Variants in WHRN observed in about 807,000 individuals in gnomAD.
WHRN encodes CASK-interacting protein CIP98.
In WHRN, 41 loss-of-function variants were observed where a neutral mutation model predicts 68.3. That is an observed-to-expected ratio of 0.60 (90% confidence interval 0.47 to 0.78). The LOEUF (loss-of-function observed/expected upper bound fraction) is 0.78, where lower values mean the gene tolerates loss of function less well. Ranked by LOEUF, WHRN falls within the 30% of genes least tolerant of loss-of-function variation. WHRN has a pLI of 0.00. For synonymous variants in WHRN, 560 were observed against 561.3 expected (o/e 1.00, Z 0.03); for missense variants, 1,243 against 1,244.7 (o/e 1.00, Z 0.02).
At chr9:114,465,908 T>C (rs1160993659) in intron 3 of WHRN, among the ~76,000 whole-genome samples, 1 of 152,224 alleles carries the variant, frequency 6.6e-6, no homozygotes, top group Non-Finnish European at 1.5e-5. Context: ...GCTGGTTGTC[T>C]GGATTGAATG....
chr9:114,499,728 GTGCGGC>G (rs1489947672), intron 1 of WHRN, among the ~76,000 whole-genome samples: 8 of 152,260 alleles, frequency 5.3e-5, no homozygotes, highest in Non-Finnish European at 1.0e-4. Context: ...TGTACCGCTG[GTGCGGC>G]TGCCGGCAGG....
chr9:114,403,411 C>T (rs985786056), intron 10 of WHRN, 72 bp from the exon 11 acceptor site: 28 of 1,600,474 alleles, frequency 1.7e-5, no homozygotes, highest in African/African-American at 9.4e-5. Flanking sequence ...TGGGCCGGGC[C>T]GTGACACCAC....
At chr9:114,438,207 C>A (rs747140965) in intron 3 of WHRN, among the ~76,000 whole-genome samples, 14 of 152,034 alleles carry the variant, frequency 9.2e-5, no homozygotes, top group Non-Finnish European at 1.6e-4. Context: ...AGCACTCCAG[C>A]CTGGGTGAGT....
intron 3 of WHRN, among the ~76,000 whole-genome samples, chr9:114,426,876 TA>T (rs1468694175): frequency 6.6e-6 from 1 of 152,176 alleles, no homozygotes; most frequent in East Asian, 1.9e-4. Flanking sequence ...TTTAATCTAC[TA>T]AAAGAAACAG....
At chr9:114,463,884 T>G (rs1382977944) in intron 3 of WHRN, among the ~76,000 whole-genome samples, 1 of 152,116 alleles carries the variant, frequency 6.6e-6, no homozygotes, top group Non-Finnish European at 1.5e-5. Flanking sequence ...ATGGGCACAG[T>G]TCTAGAACCA....
Position 114,504,935 on chromosome 9 carries a change from G to A in WHRN, c.-134C>T, listed in dbSNP as rs1844277772. 8.0e-7 allele frequency: 1 copy of A among 1,248,636 alleles called. No homozygotes were observed. Among genetic ancestry groups the A allele is most frequent in the African/African-American group, 1.6e-5 (1 of 63,062 alleles). The allele number at this position is 1,248,636 out of a possible 1,614,324, so 77.3% of individuals were successfully genotyped here. A position where few individuals can be genotyped will look rare whatever the true frequency, so the allele number is the denominator to read the frequency against. On this transcript the variant is annotated 5_prime_UTR_variant, in exon 1 of 12. Transcript: ENST00000362057. ...GCTGGAGCCTGGGTTTGGGGAGCAC[G>A]GGTACAGTGGCTGGATCCTAGGGGG...
intron 7 of WHRN, among the ~76,000 whole-genome samples, chr9:114,417,784 A>G (rs1386685561): frequency 2.6e-5 from 4 of 152,246 alleles, no homozygotes; most frequent in Non-Finnish European, 5.9e-5. Context: ...CTCTGGAGGA[A>G]TGCTGCAGTC....
intron 3 of WHRN, among the ~76,000 whole-genome samples, chr9:114,427,205 C>T (rs1001899383): frequency 2.6e-5 from 4 of 152,222 alleles, no homozygotes; most frequent in African/African-American, 9.6e-5. Context: ...CTGCTGTGAA[C>T]TGTGATTGCA....
At chr9:114,486,312 C>T (rs1487897754) in intron 1 of WHRN, among the ~76,000 whole-genome samples, 1 of 152,162 alleles carries the variant, frequency 6.6e-6, no homozygotes, top group Non-Finnish European at 1.5e-5. Flanking sequence ...AAAAGCTTCC[C>T]AGATTGTGGC....
At position 114,426,259 on chromosome 9, in the gene WHRN, T is replaced by C. The variant is rs1172840949; in HGVS notation, c.1118A>G (p.Lys373Arg). Residue 373 changes from lysine to arginine, a missense_variant, in exon 4 of 12, where the codon AAG becomes AGG. Coordinates refer to ENST00000362057, the MANE Select transcript of WHRN (RefSeq NM_015404.4). ...CCTGATCCGGGAACTGGCGATCCAC[T>C]TGGTCTCGTCCACAGTGGTGCGGGC... ...PHARTTVDET[K>R]WIASSRIRET... The C allele has an allele frequency of 5.0e-6, 8 of 1,612,832 alleles. No homozygotes were observed. The African/African-American group carries it at 5.3e-5, about 11-fold the overall frequency.
chr9:114,458,237 T>C (rs1839970330), intron 3 of WHRN, among the ~76,000 whole-genome samples: 1 of 152,172 alleles, frequency 6.6e-6, no homozygotes, highest in South Asian at 2.1e-4. Context: ...GGGATCCTTC[T>C]TGTTTGTTCT....
chr9:114,485,114 G>A (rs977872640), intron 1 of WHRN, among the ~76,000 whole-genome samples: 3 of 152,192 alleles, frequency 2.0e-5, no homozygotes, highest in African/African-American at 7.2e-5. Context: ...GACACGTAAT[G>A]ATGAGTCACC....
At position 114,505,465 on chromosome 9, in the gene WHRN, G is replaced by C. The variant is rs1261132144; in HGVS notation, c.-664C>G. On this transcript the variant is annotated 5_prime_UTR_variant, in exon 1 of 12. Coordinates refer to ENST00000362057, the MANE Select transcript of WHRN (RefSeq NM_015404.4). ...CTTTGCGAACTGTTGAGCCACCCGG[G>C]CCGAGTCTTCCAGCGAGTTCCGACG... 2 of 152,288 alleles carry C rather than the reference G, an allele frequency of 1.3e-5. No homozygotes were observed. The highest frequency in any genetic ancestry group is 2.4e-5 in the African/African-American group (1 of 41,462). 9.4% of individuals were successfully genotyped at this position (152,288 alleles called of 1,614,324 possible).
intron 3 of WHRN, among the ~76,000 whole-genome samples, chr9:114,427,828 G>A (rs1163052127): frequency 6.6e-6 from 1 of 152,198 alleles, no homozygotes; most frequent in Non-Finnish European, 1.5e-5. Context: ...CTAACAGAGT[G>A]GGGTCTGTGC....
chr9:114,430,363 A>G (rs1256580862), intron 3 of WHRN, among the ~76,000 whole-genome samples: 2 of 152,270 alleles, frequency 1.3e-5, no homozygotes, highest in East Asian at 3.8e-4. Context: ...GGGCATATAC[A>G]TACTAAAAAA....
chr9:114,437,127 C>T lies in WHRN; in HGVS notation c.964-10714G>A, dbSNP rs116756767. 5.3e-3 allele frequency among the ~76,000 whole-genome samples: 811 copies of T among 152,212 alleles called. 8 individuals are homozygous for T. Among genetic ancestry groups the T allele is most frequent in the African/African-American group, 0.019 (769 of 41,534 alleles). On this transcript the variant is annotated intron_variant, in intron 3 of 11. Coordinates refer to ENST00000362057, the MANE Select transcript of WHRN (RefSeq NM_015404.4). Reference sequence around the variant, plus strand: ...TAGAAATAGGCCCAAGGACACACAACATTTTAGTGTATGATAAAGGTGGCA... The same window carrying T: ...TAGAAATAGGCCCAAGGACACACAATATTTTAGTGTATGATAAAGGTGGCA...
chr9:114,503,335 G>A (rs1052320588), intron 1 of WHRN: 13 of 344,726 alleles, frequency 3.8e-5, no homozygotes, highest in Non-Finnish European at 5.3e-5. Context: ...AAAGGAGGTC[G>A]GGGGAGGGGG....
At chr9:114,436,355 A>G (rs12554008) in intron 3 of WHRN, among the ~76,000 whole-genome samples, 5,641 of 152,274 alleles carry the variant, frequency 0.037, 169 homozygotes, top group Non-Finnish European at 0.055. Flanking sequence ...TAAAGTATGG[A>G]CTAATAAAAA....
intron 2 of WHRN, among the ~76,000 whole-genome samples, chr9:114,473,382 G>A (rs1051667656): frequency 6.6e-5 from 10 of 152,170 alleles, no homozygotes; most frequent in East Asian, 1.9e-4. Context: ...TGCGAGGGCC[G>A]GACCCAAAGA....
Sources: allele counts gnomAD v4.1 joint callset (sites outside exome capture counted in the v4.1 genomes callset), GRCh38; gene constraint gnomAD v4.1.1; transcripts MANE v1.5; gene names NCBI Gene and HGNC (gene_info 2026-07-23, HGNC 2026-07-21).